MAOB: variants seen among roughly 807,000 people sequenced by gnomAD.
MAOB encodes amine oxidase [flavin-containing] B.
MAOB carries 15 observed loss-of-function variants against 41.9 expected under a neutral mutation model. The observed-to-expected ratio is 0.36, with a 90% CI of 0.24 to 0.55. MAOB has a LOEUF of 0.55. MAOB is among the 20% of genes least tolerant of loss of function. The probability of loss-of-function intolerance (pLI) is 0.86; values close to 1 mark genes in which losing one functional copy is unlikely to be tolerated. For missense variants in MAOB, 345 were observed against 398.7 expected (o/e 0.87, Z 1.15); for synonymous variants, 167 against 144.2 (o/e 1.16, Z -1.13).
rs1020689316 is a variant in MAOB at position 43,769,433 on chromosome X, A to G, written c.1236-15T>C. 5 of 1,198,263 alleles carry G rather than the reference A, an allele frequency of 4.2e-6. No homozygotes were observed. In the African/African-American group the frequency reaches 8.9e-5, roughly 21 times the overall value. ...GGCGTAGAACCCTTGGAACAAAACC[A>G]AAGAGGCAAAAGTGGTCAGTCTCAG... is the stretch of plus-strand genomic sequence containing the variant. On this transcript the variant is annotated splice_polypyrimidine_tract_variant and intron_variant, in intron 12 of 14. Coordinates refer to ENST00000378069, the MANE Select transcript of MAOB (RefSeq NM_000898.5).
At chrX:43,815,931 T>C (rs1342639610) in intron 3 of MAOB, among the ~76,000 whole-genome samples, 1 of 111,615 alleles carries the variant, frequency 9.0e-6, no homozygotes, top group African/African-American at 3.3e-5. Flanking sequence ...GGACAAAAAA[T>C]AAATTACAGT....
At chrX:43,790,384 T>C (rs1375441912) in intron 8 of MAOB, among the ~76,000 whole-genome samples, 1 of 111,952 alleles carries the variant, frequency 8.9e-6, no homozygotes, top group Non-Finnish European at 1.9e-5. Context: ...AGCCTAGAAC[T>C]CAATACATTG....
At chrX:43,836,293 G>T (rs2035071060) in intron 3 of MAOB, among the ~76,000 whole-genome samples, 1 of 111,933 alleles carries the variant, frequency 8.9e-6, no homozygotes, top group African/African-American at 3.2e-5. Context: ...GGTCAAAAAT[G>T]AGAAAAATGA....
chrX:43,794,337 C>T (rs999743700), intron 7 of MAOB, among the ~76,000 whole-genome samples: 4 of 111,139 alleles, frequency 3.6e-5, no homozygotes, highest in Non-Finnish European at 7.5e-5. Context: ...GTGAGGCCTT[C>T]CCTGATCACC....
intron 1 of MAOB, among the ~76,000 whole-genome samples, chrX:43,874,361 C>T (rs986398349): frequency 8.1e-5 from 9 of 111,331 alleles, no homozygotes; most frequent in African/African-American, 2.9e-4. Context: ...TTTCTATCCC[C>T]ATTTCTCTTG....
At chrX:43,817,026 C>T (rs1321969581) in intron 3 of MAOB, among the ~76,000 whole-genome samples, 1 of 111,208 alleles carries the variant, frequency 9.0e-6, no homozygotes, top group African/African-American at 3.3e-5. Flanking sequence ...AGGATTTCTT[C>T]CTCCCAGAAG....
chrX:43,835,342 C>T (rs746592568), intron 3 of MAOB, among the ~76,000 whole-genome samples: 1 of 111,917 alleles, frequency 8.9e-6, no homozygotes, highest in Non-Finnish European at 1.9e-5. Context: ...ATTTGTAAAA[C>T]GGATCAAAAA....
chrX:43,789,602 G>A (rs148737200), intron 8 of MAOB, among the ~76,000 whole-genome samples: 175 of 111,846 alleles, frequency 1.6e-3, no homozygotes, highest in African/African-American at 4.9e-3. Flanking sequence ...GATGCATCCC[G>A]TGTAGGATGG....
intron 3 of MAOB, 37 bp downstream of exon 3, chrX:43,838,828 GAGA>G (rs777622712): frequency 3.5e-5 from 40 of 1,126,949 alleles, no homozygotes; most frequent in Non-Finnish European, 4.5e-5. Flanking sequence ...AAACATCATA[GAGA>G]AGTTTTCAAA....
intron 1 of MAOB, among the ~76,000 whole-genome samples, chrX:43,860,746 C>G (rs554616010): frequency 9.9e-5 from 11 of 111,398 alleles, no homozygotes; most frequent in African/African-American, 3.6e-4. Flanking sequence ...ACTTACCTTA[C>G]AGGGCCCCAT....
chrX:43,826,103 G>A (rs1440481969), intron 3 of MAOB, among the ~76,000 whole-genome samples: 1 of 112,149 alleles, frequency 8.9e-6, no homozygotes, highest in Non-Finnish European at 1.9e-5. Flanking sequence ...AGCTCCACAA[G>A]AGCAGGGATT....
intron 3 of MAOB, among the ~76,000 whole-genome samples, chrX:43,825,116 C>A (rs991227487): frequency 8.9e-6 from 1 of 112,566 alleles, no homozygotes; most frequent in Non-Finnish European, 1.9e-5. Context: ...TTCTTTCCAA[C>A]TCTGCCTTCA....
chrX:43,777,520 G>C (rs1486730052), intron 11 of MAOB, among the ~76,000 whole-genome samples: 1 of 111,920 alleles, frequency 8.9e-6, no homozygotes, highest in East Asian at 2.8e-4. Flanking sequence ...GATCTGCAAT[G>C]GTGGGGCGAG....
At position 43,767,114 on chromosome X, in the gene MAOB, G is replaced by A. The variant is rs771023208; in HGVS notation, c.*352C>T. The A allele has an allele frequency of 2.7e-5, 5 of 183,822 alleles. No homozygotes were observed. Among genetic ancestry groups the A allele is most frequent in the African/African-American group, 8.9e-5 (3 of 33,669 alleles). The allele number at this position is 183,822 out of a possible 1,213,427, so 15.1% of individuals were successfully genotyped here. On this transcript the variant is annotated 3_prime_UTR_variant, in exon 15 of 15. Coordinates refer to ENST00000378069, the MANE Select transcript of MAOB (RefSeq NM_000898.5). ...GTGAGGCTATTACAGGTAAGAGGAA[G>A]AACAAGCACAAAGCCATAATGGTAG...
intron 8 of MAOB, among the ~76,000 whole-genome samples, chrX:43,786,926 T>C (rs944031383): frequency 1.8e-5 from 2 of 111,640 alleles, no homozygotes; most frequent in Admixed American, 9.6e-5. Flanking sequence ...CACTTGCAGA[T>C]AGAAAGCTCA....
At chrX:43,852,567 T>C (rs1265092269) in intron 1 of MAOB, among the ~76,000 whole-genome samples, 2 of 112,280 alleles carry the variant, frequency 1.8e-5, no homozygotes, top group African/African-American at 6.5e-5. Context: ...GTGTTGACTG[T>C]ATAATTCTTT....
chrX:43,769,450 C>A, intron 12 of MAOB, 32 bp from the exon 13 acceptor site: 2 of 1,196,691 alleles, frequency 1.7e-6, no homozygotes, highest in Non-Finnish European at 2.2e-6. Flanking sequence ...CAAAAGTGGT[C>A]AGTCTCAGAG....
chrX:43,785,049 G>A (rs1227022022), intron 8 of MAOB, among the ~76,000 whole-genome samples: 1 of 112,656 alleles, frequency 8.9e-6, no homozygotes, highest in African/African-American at 3.2e-5. Flanking sequence ...ACGGGAGGCT[G>A]AGGCAGGAGA....
intron 1 of MAOB, among the ~76,000 whole-genome samples, chrX:43,855,149 CAT>C (rs1455822746): frequency 8.9e-6 from 1 of 111,735 alleles, no homozygotes; most frequent in African/African-American, 3.3e-5. Flanking sequence ...TATTCAGAAA[CAT>C]GTGTGTGGGA....
Sources: allele counts gnomAD v4.1 joint callset (sites outside exome capture counted in the v4.1 genomes callset), GRCh38; gene constraint gnomAD v4.1.1; transcripts MANE v1.5; gene names NCBI Gene and HGNC (gene_info 2026-07-23, HGNC 2026-07-21).